Variants in NRXN1 observed in about 807,000 individuals in gnomAD.
The protein encoded by NRXN1 is neurexin 1.
Under a neutral mutation model 150.9 loss-of-function variants are expected in NRXN1, and 39 were observed. The observed-to-expected ratio is 0.26, with a 90% CI of 0.20 to 0.34. NRXN1 has a LOEUF of 0.34. Ranked by LOEUF, NRXN1 falls within the 10% of genes least tolerant of loss-of-function variation. The probability of loss-of-function intolerance (pLI) is 1.00; values close to 1 mark genes in which losing one functional copy is unlikely to be tolerated. For synonymous variants in NRXN1, 924 were observed against 757.0 expected, an observed-to-expected ratio of 1.22 and a Z score of -3.62; for missense variants, 1,815 against 1,949.9, an observed-to-expected ratio of 0.93 and a Z score of 1.30.
At chr2:50,669,616 T>C (rs535244027) in intron 5 of NRXN1, among the ~76,000 whole-genome samples, 1 of 151,856 alleles carries the variant, frequency 6.6e-6, no homozygotes, top group South Asian at 2.1e-4. Context: ...TAAAATACTA[T>C]ATAATATTCT....
chr2:50,313,026 G>C (rs1011347806), intron 17 of NRXN1, among the ~76,000 whole-genome samples: 1 of 151,942 alleles, frequency 6.6e-6, no homozygotes, highest in Admixed American at 6.6e-5. Flanking sequence ...ATAAGTTAAA[G>C]TATATAACAA....
intron 5 of NRXN1, among the ~76,000 whole-genome samples, chr2:50,694,447 A>C (rs1692527766): frequency 6.6e-6 from 1 of 152,212 alleles, no homozygotes; most frequent in Non-Finnish European, 1.5e-5. Context: ...ATTTGATGTA[A>C]ATAATAAAAC....
At chr2:50,671,307 T>C (rs1471860657) in intron 5 of NRXN1, among the ~76,000 whole-genome samples, 3 of 151,834 alleles carry the variant, frequency 2.0e-5, no homozygotes, top group Admixed American at 1.3e-4. Context: ...TTTAAAAAAT[T>C]ATTTTAGTGT....
chr2:50,835,061 T>C (rs1671923825), intron 5 of NRXN1, among the ~76,000 whole-genome samples: 1 of 152,268 alleles, frequency 6.6e-6, no homozygotes, highest in Middle Eastern at 3.4e-3. Context: ...GAGAATAATA[T>C]AGACAACCTC....
At chr2:50,846,715 A>G (rs1053467895) in intron 5 of NRXN1, among the ~76,000 whole-genome samples, 4 of 152,226 alleles carry the variant, frequency 2.6e-5, no homozygotes, top group Admixed American at 2.6e-4. Flanking sequence ...GCAATTCAAG[A>G]TAAAAATATG....
chr2:50,483,953 A>G (rs2090679696), intron 15 of NRXN1, among the ~76,000 whole-genome samples: 1 of 152,090 alleles, frequency 6.6e-6, no homozygotes, highest in Non-Finnish European at 1.5e-5. Context: ...TTTTTTTCTT[A>G]TTTCAAAACA....
intron 5 of NRXN1, among the ~76,000 whole-genome samples, chr2:50,868,147 A>G (rs1354641776): frequency 6.5e-5 from 1 of 15,400 alleles, no homozygotes; most frequent in Non-Finnish European, 1.4e-4. Flanking sequence ...AATATTATAT[A>G]TATATATATA....
intron 17 of NRXN1, among the ~76,000 whole-genome samples, chr2:50,369,594 G>A (rs2079862153): frequency 6.6e-6 from 1 of 151,966 alleles, no homozygotes; most frequent in Non-Finnish European, 1.5e-5. Flanking sequence ...TGGAAAAGTA[G>A]CCAGTTTGTG....
chr2:51,006,565 G>C (rs1700753003), intron 2 of NRXN1, among the ~76,000 whole-genome samples: 1 of 150,752 alleles, frequency 6.6e-6, no homozygotes, highest in Non-Finnish European at 1.5e-5. Flanking sequence ...TAAAAAAAAA[G>C]ACCTACCATT....
intron 17 of NRXN1, among the ~76,000 whole-genome samples, chr2:50,413,993 A>C (rs2104131957): frequency 7.5e-6 from 1 of 133,824 alleles, no homozygotes; most frequent in East Asian, 2.4e-4. Flanking sequence ...AATTGAACTC[A>C]TGGACATAGA....
chr2:50,923,373 G>A (rs953053475), intron 3 of NRXN1: 3 of 282,126 alleles, frequency 1.1e-5, no homozygotes, highest in South Asian at 3.5e-5. Flanking sequence ...AATTATTTGA[G>A]ATTTCACCTA....
Position 51,004,013 on chromosome 2 carries a change from C to A in NRXN1, c.772+23489G>T, listed in dbSNP as rs184979723. 1.6e-3 allele frequency among the ~76,000 whole-genome samples: 238 copies of A among 151,778 alleles called. 2 individuals are homozygous for A. Among genetic ancestry groups the A allele is most frequent in the African/African-American group, 4.3e-3 (180 of 41,410 alleles). ...GCCTTCGCTCTTTATCCTGGATGTA[C>A]CCTCACTTCCTGTTTTTTGTTATTG... On this transcript the variant is annotated intron_variant, in intron 2 of 22. Coordinates refer to ENST00000401669, the MANE Select transcript of NRXN1 (RefSeq NM_001330078.2).
rs563513391 is a variant in NRXN1 at position 50,904,792 on chromosome 2, A to C, written c.832+17077T>G. Among the ~76,000 whole-genome samples the C allele has an allele frequency of 2.6e-5, 4 of 152,230 alleles. No individual in the cohort carries two copies. In the East Asian group the frequency reaches 7.7e-4, roughly 29 times the overall value. ...AATCTCTATCCTGAGAACCATATTCATATTTTCATCACTGCTGAATGTTGT... is the reference window on the plus strand; with the variant it reads ...AATCTCTATCCTGAGAACCATATTCCTATTTTCATCACTGCTGAATGTTGT... On this transcript the variant is annotated intron_variant, in intron 5 of 22. Transcript: ENST00000401669.
chr2:50,651,810 A>T (rs150079078), intron 5 of NRXN1, among the ~76,000 whole-genome samples: 1 of 152,202 alleles, frequency 6.6e-6, no homozygotes, highest in Admixed American at 6.5e-5. Flanking sequence ...ATAAACAAGG[A>T]GCAATTTTCT....
At chr2:50,352,570 T>C (rs944859922) in intron 17 of NRXN1, among the ~76,000 whole-genome samples, 1 of 151,798 alleles carries the variant, frequency 6.6e-6, no homozygotes, top group African/African-American at 2.4e-5. Context: ...AAAGTAAAGA[T>C]AAGCAGACCC....
chr2:50,178,671 G>A (rs1219753069), intron 18 of NRXN1, among the ~76,000 whole-genome samples: 1 of 152,024 alleles, frequency 6.6e-6, no homozygotes, highest in Non-Finnish European at 1.5e-5. Context: ...GGGACATAAG[G>A]TAAACAAGCT....
chr2:50,347,038 G>T lies in NRXN1; in HGVS notation c.3365-110068C>A. 7.3e-7 allele frequency: 1 copy of T among 1,370,458 alleles called. No homozygotes were observed. Among genetic ancestry groups the T allele is most frequent in the Non-Finnish European group, 9.5e-7 (1 of 1,049,854 alleles). 84.9% of individuals were successfully genotyped at this position (1,370,458 alleles called of 1,614,324 possible). Reference sequence around the variant, plus strand: ...AGGGCGCAGGGGAGCGGGCGGCGCGGAGTGGGCTGAGGGGCCGGCCGCCTC... The same window carrying T: ...AGGGCGCAGGGGAGCGGGCGGCGCGTAGTGGGCTGAGGGGCCGGCCGCCTC... On this transcript the variant is annotated intron_variant, in intron 17 of 22. Transcript: ENST00000401669. The surrounding 1 kb of genome is among the most constrained non-coding windows in gnomAD (Gnocchi z 4.9).
chr2:50,050,932 T>C (rs1349747041), intron 21 of NRXN1, among the ~76,000 whole-genome samples: 1 of 152,036 alleles, frequency 6.6e-6, no homozygotes, highest in Non-Finnish European at 1.5e-5. Flanking sequence ...AATTCTTTAA[T>C]TACTGTCACT....
At chr2:50,891,304 A>G (rs1051860040) in intron 5 of NRXN1, among the ~76,000 whole-genome samples, 3 of 152,032 alleles carry the variant, frequency 2.0e-5, no homozygotes, top group Non-Finnish European at 4.4e-5. Flanking sequence ...GTTGAAATCA[A>G]TACTCATTTT....
Sources: allele counts gnomAD v4.1 joint callset (sites outside exome capture counted in the v4.1 genomes callset), GRCh38; gene constraint gnomAD v4.1.1; non-coding constraint Gnocchi (gnomAD v3.1); transcripts MANE v1.5; gene names NCBI Gene and HGNC (gene_info 2026-07-23, HGNC 2026-07-21).